The following RAD52 variants were observed in gnomAD, a reference collection of about 807,000 sequenced individuals.
RAD52 encodes the protein DNA repair protein RAD52 homolog.
Under a neutral mutation model 55.5 loss-of-function variants are expected in RAD52, and 47 were observed. The observed-to-expected ratio is 0.85, with a 90% confidence interval of 0.67 to 1.08. The LOEUF (loss-of-function observed/expected upper bound fraction) is 1.08, where lower values mean the gene tolerates loss of function less well. Among genes scored for constraint, RAD52 ranks in the 50% least tolerant of loss-of-function variants. RAD52 has a pLI of 0.00. For synonymous variants in RAD52, 184 were observed against 198.9 expected (o/e 0.92, Z 0.63); for missense variants, 468 against 522.8 (o/e 0.90, Z 1.02).
chr12:917,953 G>A (rs986837084), intron 7 of RAD52, among the ~76,000 whole-genome samples: 3 of 151,794 alleles, frequency 2.0e-5, no homozygotes, highest in South Asian at 2.1e-4. Context: ...AAAAAGAAAC[G>A]AGCTTTGAAA....
At chr12:952,643 T>C (rs1290268937), upstream of RAD52, among the ~76,000 whole-genome samples, 1 of 151,400 alleles carries the variant, frequency 6.6e-6, no homozygotes, top group Non-Finnish European at 1.5e-5. Flanking sequence ...TCCCAACACT[T>C]TGGGAGGTCA....
intron 1 of RAD52, among the ~76,000 whole-genome samples, chr12:939,052 TTGTGTGTGTG>T (rs1555176185): frequency 1.7e-4 from 24 of 141,048 alleles, no homozygotes; most frequent in Non-Finnish European, 2.5e-4. Flanking sequence ...ATTCAACTAA[TTGTGTGTGTG>T]TGTGTGTGTG....
At chr12:927,342 G>C in intron 5 of RAD52, 79 bp from the exon 6 acceptor site, 2 of 1,086,702 alleles carry the variant, frequency 1.8e-6, no homozygotes, top group East Asian at 2.4e-5. Flanking sequence ...CAAGCAGCAG[G>C]GTTCAAAGCC....
intron 1 of RAD52, among the ~76,000 whole-genome samples, chr12:961,381 GA>G (rs959841471): frequency 6.7e-6 from 1 of 149,882 alleles, no homozygotes; most frequent in Non-Finnish European, 1.5e-5. Flanking sequence ...GTTATGGGCT[GA>G]ATTATGTTCC....
chr12:932,459 C>A (rs1388933697), intron 2 of RAD52, among the ~76,000 whole-genome samples: 1 of 151,792 alleles, frequency 6.6e-6, no homozygotes, highest in East Asian at 1.9e-4. Context: ...CGCACCACTG[C>A]ACTGCAGCCT....
At chr12:955,065 G>A (rs1958585861) in intron 1 of RAD52, among the ~76,000 whole-genome samples, 1 of 152,118 alleles carries the variant, frequency 6.6e-6, no homozygotes, top group Non-Finnish European at 1.5e-5. Context: ...GGGGTGATAA[G>A]GTAAATAAAC....
intron 1 of RAD52, among the ~76,000 whole-genome samples, chr12:971,698 C>A (rs1405188532): frequency 6.6e-6 from 1 of 151,938 alleles, no homozygotes; most frequent in Non-Finnish European, 1.5e-5. Flanking sequence ...CTAACAAGAA[C>A]GTATAACTCG....
intron 8 of RAD52, 27 bp downstream of exon 8, chr12:916,612 G>A (rs1956398858): frequency 2.5e-6 from 4 of 1,604,896 alleles, no homozygotes; most frequent in Non-Finnish European, 3.4e-6. Flanking sequence ...GGGCCGCAGA[G>A]GAAAGGAGGG....
chr12:948,812 G>GCCTC (rs1326268407), intron 1 of RAD52, among the ~76,000 whole-genome samples: 2 of 151,462 alleles, frequency 1.3e-5, no homozygotes, highest in Admixed American at 6.6e-5. Context: ...CGATTCTCAT[G>GCCTC]CCTCCGCCTC....
intron 6 of RAD52, 46 bp downstream of exon 6, chr12:927,099 G>A: frequency 6.4e-7 from 1 of 1,574,382 alleles, no homozygotes; most frequent in Non-Finnish European, 8.7e-7. Context: ...CTGCTCTGAA[G>A]CAAGAGCTGA....
intron 1 of RAD52, among the ~76,000 whole-genome samples, chr12:983,490 C>A (rs1252307289): frequency 6.7e-6 from 1 of 149,516 alleles, no homozygotes; most frequent in Non-Finnish European, 1.5e-5. Context: ...GATCTCAGCT[C>A]ACTGCAACCT....
At chr12:930,283 G>A (rs1174862620) in intron 3 of RAD52, 139 bp from the exon 4 acceptor site, 7 of 724,738 alleles carry the variant, frequency 9.7e-6, no homozygotes, top group African/African-American at 1.8e-5. Context: ...GGAGGCTGAG[G>A]TGGGAGGATC....
At chr12:921,298 C>G (rs980980213) in intron 7 of RAD52, among the ~76,000 whole-genome samples, 2 of 152,096 alleles carry the variant, frequency 1.3e-5, no homozygotes, top group African/African-American at 2.4e-5. Flanking sequence ...AAAAACAATA[C>G]GAAAAAGCTC....
intron 1 of RAD52, among the ~76,000 whole-genome samples, chr12:959,902 G>T (rs769730086): frequency 2.0e-4 from 30 of 152,286 alleles, no homozygotes; most frequent in Non-Finnish European, 1.8e-4. Flanking sequence ...CCCTGAAGCT[G>T]TTTCAGCCTG....
At chr12:983,097 G>A (rs889198032) in intron 1 of RAD52, among the ~76,000 whole-genome samples, 1 of 150,926 alleles carries the variant, frequency 6.6e-6, no homozygotes, top group African/African-American at 2.5e-5. Flanking sequence ...TGATCCGCCC[G>A]CCTCAGCCTC....
intron 1 of RAD52, among the ~76,000 whole-genome samples, chr12:983,112 A>G (rs539510204): frequency 2.2e-4 from 34 of 152,152 alleles, no homozygotes; most frequent in African/African-American, 7.9e-4. Context: ...AGCCTCCCGA[A>G]GTGCTGAGAT....
intron 1 of RAD52, among the ~76,000 whole-genome samples, chr12:963,120 T>G (rs1958710646): frequency 6.6e-6 from 1 of 152,206 alleles, no homozygotes; most frequent in Non-Finnish European, 1.5e-5. Context: ...GTAATTTTTT[T>G]TTTTGAAGAA....
chr12:942,968 T>C (rs1957999091), intron 1 of RAD52, among the ~76,000 whole-genome samples: 1 of 152,108 alleles, frequency 6.6e-6, no homozygotes, highest in South Asian at 2.1e-4. Flanking sequence ...GTTATATAAA[T>C]AACTGCTACA....
chr12:914,101 C>CGA lies in RAD52; in HGVS notation c.987_988insTC (p.Glu330SerfsTer6), dbSNP rs777206351. On this transcript the variant is annotated frameshift_variant, in exon 11 of 12. Coordinates refer to ENST00000358495, the MANE Select transcript of RAD52 (RefSeq NM_134424.4). LOFTEE classifies it high-confidence loss of function. ...GCATCGGGAGTCACAGCCCACTTTT[C>CGA]AGAGTTGTCTTCAAGAGTCTCTACA... 1.4e-5 allele frequency: 23 copies of CGA among 1,614,130 alleles called. No homozygotes were observed. The highest frequency in any genetic ancestry group is 1.9e-5 in the Non-Finnish European group (23 of 1,180,002).
Sources: gnomAD v4.1 joint callset for allele counts (sites outside exome capture counted in the v4.1 genomes callset) on GRCh38, gnomAD v4.1.1 for gene constraint, MANE v1.5 for transcripts, NCBI Gene and HGNC (gene_info 2026-07-23, HGNC 2026-07-21) for gene names.